The following RUNX2 variants were observed in gnomAD, a reference collection of about 807,000 sequenced individuals.
RUNX2 encodes the protein RUNX family transcription factor 2.
Under a neutral mutation model 51.7 loss-of-function variants are expected in RUNX2, and 10 were observed. That is an observed-to-expected ratio of 0.19 (90% CI 0.12 to 0.33). The LOEUF (loss-of-function observed/expected upper bound fraction) is 0.33, where lower values mean the gene tolerates loss of function less well. Among genes scored for constraint, RUNX2 ranks in the 10% least tolerant of loss-of-function variants. The probability of loss-of-function intolerance (pLI) is 1.00; values close to 1 mark genes in which losing one functional copy is unlikely to be tolerated. For missense variants in RUNX2, 562 were observed against 691.3 expected (o/e 0.81, Z 2.10); for synonymous variants, 276 against 273.6 (o/e 1.01, Z -0.09).
intron 5 of RUNX2, among the ~76,000 whole-genome samples, chr6:45,450,163 G>T (rs1460435680): frequency 6.6e-6 from 1 of 152,166 alleles, no homozygotes; most frequent in Non-Finnish European, 1.5e-5. Context: ...TAAGGAAAAG[G>T]AGCATGACAA....
rs1477620138 is a variant in RUNX2, at chr6:45,547,721, G to A, written c.*416G>A. On this transcript the variant is annotated 3_prime_UTR_variant, in exon 9 of 9. Coordinates refer to ENST00000647337, the MANE Select transcript of RUNX2 (RefSeq NM_001024630.4). ...TGCTTTGAAACTTCACACCCTCACG[G>A]TGGCAGCTGTGTATGGACCAGTGCC... is the stretch of plus-strand genomic sequence containing the variant. 2 of 298,584 alleles carry A rather than the reference G, an allele frequency of 6.7e-6. No homozygotes were observed. Among genetic ancestry groups the A allele is most frequent in the African/African-American group, 2.2e-5 (1 of 45,238 alleles). The allele number at this position is 298,584 out of a possible 1,614,324, so 18.5% of individuals were successfully genotyped here.
At chr6:45,504,476 T>G (rs1379301737) in intron 6 of RUNX2, among the ~76,000 whole-genome samples, 1 of 152,188 alleles carries the variant, frequency 6.6e-6, no homozygotes, top group African/African-American at 2.4e-5. Context: ...GGGCTCTTCC[T>G]ATGCTTGGAG....
intron 2 of RUNX2, among the ~76,000 whole-genome samples, chr6:45,398,144 C>T (rs991292013): frequency 3.3e-5 from 5 of 152,164 alleles, no homozygotes; most frequent in African/African-American, 1.2e-4. Flanking sequence ...TTCAGATTGC[C>T]TTGGCTTCAC....
chr6:45,512,475 C>T, intron 7 of RUNX2, 68 bp downstream of exon 7: 2 of 1,533,828 alleles, frequency 1.3e-6, no homozygotes, highest in Non-Finnish European at 1.8e-6. Context: ...ATGGGCTGAG[C>T]CTGTCTCATC....
chr6:45,353,997 A>G (rs115661112), intron 2 of RUNX2, among the ~76,000 whole-genome samples: 2,661 of 152,270 alleles, frequency 0.017, 50 homozygotes, highest in South Asian at 0.085. Context: ...TTTCAAGCTC[A>G]GTTGTCAAAG....
chr6:45,387,225 C>T (rs567458877), intron 2 of RUNX2, among the ~76,000 whole-genome samples: 3 of 152,138 alleles, frequency 2.0e-5, no homozygotes, highest in South Asian at 4.1e-4. Context: ...ACTAAAATGG[C>T]AGTTTTGGAC....
Position 45,459,075 on chromosome 6 carries a change from T to G in RUNX2, c.685+21024T>G, listed in dbSNP as rs573936659. Among the ~76,000 whole-genome samples the G allele has an allele frequency of 8.5e-5, 13 of 152,362 alleles. No homozygotes were observed. In the South Asian group the frequency reaches 2.7e-3, roughly 32 times the overall value. On this transcript the variant is annotated intron_variant, in intron 5 of 8. Transcript: ENST00000647337. The stretch of plus-strand genomic sequence containing the variant: ...CAGCCCTTATTTCTGTCTGGATTTC[T>G]TGACATCCCATATTCTCTCTTTAGT...
At chr6:45,416,219 G>C (rs1798066774) in intron 2 of RUNX2, among the ~76,000 whole-genome samples, 1 of 152,062 alleles carries the variant, frequency 6.6e-6, no homozygotes, top group South Asian at 2.1e-4. Context: ...ATTTTTTTCT[G>C]TTCTATTTTT....
intron 5 of RUNX2, 59 bp downstream of exon 5, chr6:45,438,110 A>G: frequency 2.8e-6 from 3 of 1,079,056 alleles, no homozygotes; most frequent in South Asian, 2.5e-5. Context: ...CCTATGAGGA[A>G]TTTATTCCAA....
chr6:45,518,046 A>C (rs1801386819), intron 7 of RUNX2, among the ~76,000 whole-genome samples: 1 of 152,252 alleles, frequency 6.6e-6, no homozygotes, highest in South Asian at 2.1e-4. Context: ...GGAAAACTTC[A>C]GCAATTAATA....
intron 6 of RUNX2, among the ~76,000 whole-genome samples, chr6:45,499,169 T>G (rs1800730288): frequency 6.6e-6 from 1 of 152,212 alleles, no homozygotes; most frequent in African/African-American, 2.4e-5. Context: ...AGACAGATTG[T>G]TGGAAGTGGT....
intron 2 of RUNX2, among the ~76,000 whole-genome samples, chr6:45,411,013 A>G (rs1435431959): frequency 6.6e-6 from 1 of 152,168 alleles, no homozygotes; most frequent in Non-Finnish European, 1.5e-5. Context: ...TGTAGTTTAC[A>G]TGTGGTCCTG....
At chr6:45,415,197 T>TGAATAAGAAAAGGGGTTA (rs1798042322) in intron 2 of RUNX2, among the ~76,000 whole-genome samples, 2 of 152,236 alleles carry the variant, frequency 1.3e-5, no homozygotes, top group Non-Finnish European at 2.9e-5. Context: ...TATAGTAATT[T>TGAATAAGAAAAGGGGTTA]GAATAAGAAA....
intron 2 of RUNX2, among the ~76,000 whole-genome samples, chr6:45,418,801 C>G (rs1798117625): frequency 6.6e-6 from 1 of 152,128 alleles, no homozygotes; most frequent in Non-Finnish European, 1.5e-5. Context: ...TTAGGGTATT[C>G]AGTGGAAAAT....
chr6:45,487,448 T>C (rs1285135000), intron 5 of RUNX2, among the ~76,000 whole-genome samples: 1 of 152,200 alleles, frequency 6.6e-6, no homozygotes, highest in African/African-American at 2.4e-5. Context: ...CCAGTGACTT[T>C]CAACAATGCT....
At chr6:45,422,350 G>T (rs1202670894) in intron 2 of RUNX2, 4 of 498,270 alleles carry the variant, frequency 8.0e-6, no homozygotes, top group Non-Finnish European at 1.4e-5. Context: ...GCGCCTCCCG[G>T]GTCTCCCTAC....
intron 7 of RUNX2, among the ~76,000 whole-genome samples, chr6:45,516,285 C>G (rs1389722334): frequency 2.6e-5 from 4 of 152,112 alleles, no homozygotes; most frequent in African/African-American, 4.8e-5. Flanking sequence ...GAAATATTTC[C>G]TTAACATTGG....
intron 2 of RUNX2, among the ~76,000 whole-genome samples, chr6:45,387,128 A>T (rs112728659): frequency 3.8e-4 from 58 of 152,306 alleles, no homozygotes; most frequent in Middle Eastern, 3.4e-3. Context: ...TGAGGATAGA[A>T]GTAAGGCAAA....
chr6:45,357,862 A>T (rs1428218088), intron 2 of RUNX2, among the ~76,000 whole-genome samples: 1 of 152,070 alleles, frequency 6.6e-6, no homozygotes, highest in Non-Finnish European at 1.5e-5. Context: ...ATTCAGAGCT[A>T]CAGTCATAGG....
Sources: gnomAD v4.1 joint callset for allele counts (sites outside exome capture counted in the v4.1 genomes callset) on GRCh38, gnomAD v4.1.1 for gene constraint, MANE v1.5 for transcripts, NCBI Gene and HGNC (gene_info 2026-07-23, HGNC 2026-07-21) for gene names.